The following MBLAC2 variants were observed in gnomAD, a reference collection of about 807,000 sequenced individuals.
The protein encoded by MBLAC2 is metallo-beta-lactamase domain containing 2.
Under a neutral mutation model 23.3 loss-of-function variants are expected in MBLAC2, and 24 were observed. The ratio of observed to expected loss-of-function variants is 1.03; its 90% CI spans 0.75 to 1.45. The LOEUF (loss-of-function observed/expected upper bound fraction) is 1.45. Among genes scored for constraint, MBLAC2 ranks in the 40% most tolerant of loss-of-function variants. MBLAC2 has a pLI of 0.00. For synonymous variants in MBLAC2, 162 were observed against 150.9 expected (o/e 1.07, Z -0.54); for missense variants, 358 against 370.0 (o/e 0.97, Z 0.27).
Position 90,467,745 on chromosome 5 carries a change from T to TG in MBLAC2, c.454+6093dup, listed in dbSNP as rs1013371884. Reference sequence around the variant, plus strand: ...TTGTTGCCTGAATACCTTCTTTTTTTGGGGGGGGCGGTTTGTTTGTTTTTT... The same window carrying TG: ...TTGTTGCCTGAATACCTTCTTTTTTTGGGGGGGGGCGGTTTGTTTGTTTTTT... On this transcript the variant is annotated intron_variant, in intron 1 of 1. Transcript: ENST00000316610. 4.9e-3 allele frequency among the ~76,000 whole-genome samples: 430 copies of TG among 87,826 alleles called. 1 individual carries two copies. The highest frequency in any genetic ancestry group is 0.017 in the African/African-American group (371 of 22,184). 57.6% of individuals were successfully genotyped at this position (87,826 alleles called of 152,430 possible). A position where few individuals can be genotyped will look rare whatever the true frequency, so the allele number is the denominator to read the frequency against.
chr5:90,470,747 AGCGC>A (rs149818787), intron 1 of MBLAC2, among the ~76,000 whole-genome samples: 1 of 143,926 alleles, frequency 6.9e-6, no homozygotes, highest in Non-Finnish European at 1.5e-5. Context: ...CTAGAAAACT[AGCGC>A]GCGCGCACAC....
chr5:90,460,980 T>G lies in MBLAC2; in HGVS notation c.*187A>C. 1.9e-6 allele frequency: 1 copy of G among 533,990 alleles called. No homozygotes were observed. Among genetic ancestry groups the G allele is most frequent in the Non-Finnish European group, 3.1e-6 (1 of 317,752 alleles). 33.1% of individuals were successfully genotyped at this position (533,990 alleles called of 1,614,324 possible). Reference sequence around the variant, plus strand: ...CAAAGTATAAGCTTATTTAAGTGGCTTCTTTCTTGGAAGAAAGAAAACAAT... The same window carrying G: ...CAAAGTATAAGCTTATTTAAGTGGCGTCTTTCTTGGAAGAAAGAAAACAAT... On this transcript the variant is annotated 3_prime_UTR_variant, in exon 2 of 2. Coordinates refer to ENST00000316610, the MANE Select transcript of MBLAC2 (RefSeq NM_203406.2).
rs979575853 is a variant in MBLAC2, at chr5:90,458,999, C to T, written c.*2168G>A. On this transcript the variant is annotated 3_prime_UTR_variant, in exon 2 of 2. Transcript: ENST00000316610. ...ATCCTTCAGCAGGTTTAAATATTTC[C>T]TAATAAAACTTAGTGCCTACTATAC... 5 of 152,304 alleles carry T rather than the reference C, an allele frequency of 3.3e-5. No individual in the cohort carries two copies. The highest frequency in any genetic ancestry group is 5.9e-5 in the Non-Finnish European group (4 of 67,932). The allele number at this position is 152,304 out of a possible 1,614,324, so 9.4% of individuals were successfully genotyped here.
At chr5:90,470,785 C>CACACACACACACAAA (rs3220210) in intron 1 of MBLAC2, among the ~76,000 whole-genome samples, 1 of 148,068 alleles carries the variant, frequency 6.8e-6, no homozygotes, top group Non-Finnish European at 1.5e-5. Context: ...CACACACACA[C>CACACACACACACAAA]GCTTTCTTTC....
chr5:90,464,502 T>C (rs1285473769), intron 1 of MBLAC2, among the ~76,000 whole-genome samples: 1 of 152,186 alleles, frequency 6.6e-6, no homozygotes, highest in African/African-American at 2.4e-5. Context: ...GAAGGATTGC[T>C]TGAGCCCAGA....
In MBLAC2 at chr5:90,473,987, G is replaced by A; in HGVS notation, c.306C>T (p.His102=). 6.3e-7 allele frequency: 1 copy of A among 1,598,886 alleles called. No individual in the cohort carries two copies. Among genetic ancestry groups the A allele is most frequent in the Non-Finnish European group, 8.5e-7 (1 of 1,173,808 alleles). Reference sequence around the variant, plus strand: ...CGCGAGCCAGCGCCTCGGCCTCGGCGTGGTGCACTGCCACGCGGTCGAACT... The same window carrying A: ...CGCGAGCCAGCGCCTCGGCCTCGGCATGGTGCACTGCCACGCGGTCGAACT... ...LYQFDRVAVH[H]AEAEALARGD... Residue 102 remains histidine (H), a synonymous_variant, in exon 1 of 2, where the codon CAC becomes CAT. Coordinates refer to ENST00000316610, the MANE Select transcript of MBLAC2 (RefSeq NM_203406.2).
chr5:90,458,823 T>C lies in MBLAC2; in HGVS notation c.*2344A>G, dbSNP rs1750308805. Reference sequence around the variant, plus strand: ...TATTTTAAATGTACAGCATGGGCACTCAATAAATGATATACTTTACCTTAT... The same window carrying C: ...TATTTTAAATGTACAGCATGGGCACCCAATAAATGATATACTTTACCTTAT... On this transcript the variant is annotated 3_prime_UTR_variant, in exon 2 of 2. Transcript: ENST00000316610. 6.6e-6 allele frequency: 1 copy of C among 152,258 alleles called. No homozygotes were observed. The highest frequency in any genetic ancestry group is 1.9e-4 in the East Asian group (1 of 5,196). The allele number at this position is 152,258 out of a possible 1,614,324, so 9.4% of individuals were successfully genotyped here. A position where few individuals can be genotyped will look rare whatever the true frequency, so the allele number is the denominator to read the frequency against.
At chr5:90,463,887 A>G (rs1750409573) in intron 1 of MBLAC2, among the ~76,000 whole-genome samples, 4 of 152,188 alleles carry the variant, frequency 2.6e-5, no homozygotes, top group Admixed American at 2.6e-4. Flanking sequence ...TTGCTAAAAT[A>G]GGAATTAAAG....
Position 90,473,939 on chromosome 5 carries a change from G to T in MBLAC2, c.354C>A (p.Thr118=). 6.2e-7 allele frequency: 1 copy of T among 1,604,698 alleles called. No individual in the cohort carries two copies. The highest frequency in any genetic ancestry group is 8.5e-7 in the Non-Finnish European group (1 of 1,176,426). ...LARGDNFETV[T]WLSDSEVVRT... ...GCACCACCTCGCTATCGGAAAGCCA[G>T]GTCACGGTCTCAAAGTTGTCCCCGC... is the stretch of plus-strand genomic sequence containing the variant. The change falls in exon 1 of 2, where the codon ACC becomes ACA. Residue 118 remains threonine, a synonymous_variant. Coordinates refer to ENST00000316610, the MANE Select transcript of MBLAC2 (RefSeq NM_203406.2).
At chr5:90,465,026 A>T (rs921569767) in intron 1 of MBLAC2, among the ~76,000 whole-genome samples, 1 of 152,224 alleles carries the variant, frequency 6.6e-6, no homozygotes, top group African/African-American at 2.4e-5. Flanking sequence ...GTAATAAGCC[A>T]AGAAAAAGAG....
At chr5:90,464,051 T>C (rs1750411841) in intron 1 of MBLAC2, among the ~76,000 whole-genome samples, 1 of 152,136 alleles carries the variant, frequency 6.6e-6, no homozygotes, top group Non-Finnish European at 1.5e-5. Context: ...AAATGAAGTC[T>C]AAATAAATGT....
At chr5:90,462,416 C>A (rs1157603302) in intron 1 of MBLAC2, among the ~76,000 whole-genome samples, 1 of 151,974 alleles carries the variant, frequency 6.6e-6, no homozygotes, top group African/African-American at 2.4e-5. Context: ...ATAAAGGAAT[C>A]AAAATGGTGT....
intron 1 of MBLAC2, among the ~76,000 whole-genome samples, chr5:90,467,307 T>C (rs1750465050): frequency 6.6e-6 from 1 of 152,204 alleles, no homozygotes; most frequent in Admixed American, 6.5e-5. Context: ...TATTATTGTG[T>C]TACCATCTAT....
chr5:90,462,711 A>G (rs1460320110), intron 1 of MBLAC2, among the ~76,000 whole-genome samples: 1 of 152,210 alleles, frequency 6.6e-6, no homozygotes, highest in Non-Finnish European at 1.5e-5. Flanking sequence ...ACATGCACAT[A>G]AAACATCACC....
chr5:90,467,755 G>C (rs985740195), intron 1 of MBLAC2, among the ~76,000 whole-genome samples: 1 of 101,838 alleles, frequency 9.8e-6, no homozygotes, highest in African/African-American at 3.8e-5. Flanking sequence ...TGGGGGGGGC[G>C]GTTTGTTTGT....
Position 90,461,130 on chromosome 5 carries a change from G to A in MBLAC2, c.*37C>T. On this transcript the variant is annotated 3_prime_UTR_variant, in exon 2 of 2. Transcript: ENST00000316610. ...GTTAAATAGCACAGAATGAATTAAT[G>A]TATATAATTAATCAAAATATATTAT... is the stretch of plus-strand genomic sequence containing the variant. 1 of 1,426,814 alleles carries A rather than the reference G, an allele frequency of 7.0e-7. No homozygotes were observed. Among genetic ancestry groups the A allele is most frequent in the Non-Finnish European group, 9.4e-7 (1 of 1,068,638 alleles). The allele number at this position is 1,426,814 out of a possible 1,614,324, so 88.4% of individuals were successfully genotyped here.
intron 1 of MBLAC2, among the ~76,000 whole-genome samples, chr5:90,467,608 T>TAA (rs1750470251): frequency 6.6e-6 from 1 of 152,188 alleles, no homozygotes; most frequent in African/African-American, 2.4e-5. Flanking sequence ...GAAACTTGGT[T>TAA]GGTGAATTCT....
chr5:90,466,867 C>T (rs1406371030), intron 1 of MBLAC2, among the ~76,000 whole-genome samples: 1 of 152,130 alleles, frequency 6.6e-6, no homozygotes, highest in Non-Finnish European at 1.5e-5. Flanking sequence ...GCTGGGCGCA[C>T]TGGCTCATGC....
chr5:90,474,202 T>G lies in MBLAC2; in HGVS notation c.91A>C (p.Asn31His). 6.2e-7 allele frequency: 1 copy of G among 1,611,818 alleles called. No individual in the cohort carries two copies. The highest frequency in any genetic ancestry group is 1.1e-5 in the South Asian group (1 of 90,592). ...TCGGAGCCGCGCACCAGCCAGATGT[T>G]GGCACGGTTGCCCGACTCGTAGAAA... is the stretch of plus-strand genomic sequence containing the variant. Reference protein sequence around the residue: ...ERFYESGNRANIWLVRGSEQD... With the variant: ...ERFYESGNRAHIWLVRGSEQD... Residue 31 changes from asparagine (N) to histidine (H), a missense_variant, in exon 1 of 2, where the codon AAC becomes CAC. Physicochemically the swap from Asn to His is moderately conservative, Grantham distance 68. Transcript: ENST00000316610.
Sources: gnomAD v4.1 joint callset for allele counts (sites outside exome capture counted in the v4.1 genomes callset) on GRCh38, gnomAD v4.1.1 for gene constraint, MANE v1.5 for transcripts, NCBI Gene and HGNC (gene_info 2026-07-23, HGNC 2026-07-21) for gene names.